The following MDGA2 variants were observed in gnomAD, a reference collection of about 807,000 sequenced individuals.
MDGA2 encodes MAM domain containing glycosylphosphatidylinositol anchor 2.
MDGA2 carries 40 observed loss-of-function variants against 117.8 expected under a neutral mutation model. The ratio of observed to expected loss-of-function variants is 0.34; its 90% CI spans 0.26 to 0.44. MDGA2 has a LOEUF of 0.44. MDGA2 is among the 20% of genes least tolerant of loss of function. MDGA2 has a pLI of 1.00. For synonymous variants in MDGA2, 452 were observed against 439.0 expected, an observed-to-expected ratio of 1.03 and a Z score of -0.37; for missense variants, 1,123 against 1,250.6, an observed-to-expected ratio of 0.90 and a Z score of 1.54.
chr14:46,873,585 T>C lies in MDGA2; in HGVS notation c.2600A>G (p.Tyr867Cys). The change falls in exon 14 of 17, where the codon TAT becomes TGT. Residue 867 changes from tyrosine (Y) to cysteine (C), a missense_variant. Physicochemically the swap from Tyr to Cys is radical, Grantham distance 194. Coordinates refer to ENST00000399232, the MANE Select transcript of MDGA2 (RefSeq NM_001113498.3). ...ADRSGSKEGF[Y>C]MYIETSRPRL... ...GGGTCGTGATGTCTCAATGTACATA[T>C]AAAAACCTTAAAACAGACAAAATAA... 2 of 1,610,876 alleles carry C rather than the reference T, an allele frequency of 1.2e-6. No homozygotes were observed. The highest frequency in any genetic ancestry group is 1.7e-6 in the Non-Finnish European group (2 of 1,178,252).
intron 1 of MDGA2, among the ~76,000 whole-genome samples, chr14:47,310,830 T>C (rs1172103724): frequency 6.6e-6 from 1 of 152,152 alleles, no homozygotes; most frequent in Non-Finnish European, 1.5e-5. Context: ...TACCACTTTT[T>C]ATAGGTTTTG....
intron 1 of MDGA2, among the ~76,000 whole-genome samples, chr14:47,438,843 AG>A (rs1285870687): frequency 2.0e-5 from 3 of 152,132 alleles, no homozygotes; most frequent in African/African-American, 7.2e-5. Context: ...AACAAAAAAA[AG>A]TCTCTCTCTG....
rs1370564366 is a variant in MDGA2 at position 46,874,208 on chromosome 14, T to C, written c.2438-8A>G. 2.2e-6 allele frequency: 3 copies of C among 1,351,846 alleles called. No individual in the cohort carries two copies. The highest frequency in any genetic ancestry group is 2.9e-6 in the Non-Finnish European group (3 of 1,024,036). 83.7% of individuals were successfully genotyped at this position (1,351,846 alleles called of 1,614,324 possible). On this transcript the variant is annotated splice_polypyrimidine_tract_variant and splice_region_variant and intron_variant, in intron 12 of 16. Transcript: ENST00000399232. ...ATCCACAATGAAATTCTCCTGTTGGTAAATTTTAATTAAATTAATATTAAT... is the reference window on the plus strand; with the variant it reads ...ATCCACAATGAAATTCTCCTGTTGGCAAATTTTAATTAAATTAATATTAAT...
intron 1 of MDGA2, among the ~76,000 whole-genome samples, chr14:47,486,513 G>A (rs1894064983): frequency 6.6e-6 from 1 of 152,062 alleles, no homozygotes; most frequent in Non-Finnish European, 1.5e-5. Flanking sequence ...TGTGGGGAAG[G>A]CATGATTGGT....
intron 1 of MDGA2, among the ~76,000 whole-genome samples, chr14:47,475,153 A>G (rs540058797): frequency 2.6e-5 from 4 of 152,324 alleles, no homozygotes; most frequent in African/African-American, 9.6e-5. Flanking sequence ...CAACCCCGTT[A>G]AAAAGTGAGC....
At chr14:46,844,636 C>T (rs1005268575) in intron 16 of MDGA2, among the ~76,000 whole-genome samples, 1 of 152,008 alleles carries the variant, frequency 6.6e-6, no homozygotes, top group Non-Finnish European at 1.5e-5. Context: ...ACAAACTGGA[C>T]GAATGAAAGC....
intron 1 of MDGA2, among the ~76,000 whole-genome samples, chr14:47,609,465 A>ATATATATATATATATAT (rs1555336021): frequency 2.1e-3 from 223 of 107,326 alleles, no homozygotes; most frequent in Non-Finnish European, 2.4e-3. Flanking sequence ...ATATATATAT[A>ATATATATATATATATAT]AGTTTCTTTA....
chr14:47,159,432 T>C (rs1883540550), intron 3 of MDGA2, among the ~76,000 whole-genome samples: 1 of 152,214 alleles, frequency 6.6e-6, no homozygotes, highest in African/African-American at 2.4e-5. Flanking sequence ...TGGTCATGAA[T>C]GTTTTCTAAT....
At chr14:46,904,139 G>GTTCAGCCTCCT (rs1419775290) in intron 10 of MDGA2, among the ~76,000 whole-genome samples, 1 of 152,004 alleles carries the variant, frequency 6.6e-6, no homozygotes, top group African/African-American at 2.4e-5. Flanking sequence ...CGAGGCTGGT[G>GTTCAGCCTCCT]GATCACTTGA....
Position 47,381,502 on chromosome 14 carries a change from C to A in MDGA2, c.281-79952G>T, listed in dbSNP as rs188473143. On this transcript the variant is annotated intron_variant, in intron 1 of 16. Coordinates refer to ENST00000399232, the MANE Select transcript of MDGA2 (RefSeq NM_001113498.3). ...AAAATCTCCTTAGGCTGATAAGCAA[C>A]TTCAGCAAAGTCTCAGGATACAAAA... Among the ~76,000 whole-genome samples, 299 of 152,306 alleles carry A rather than the reference C, an allele frequency of 2.0e-3. 1 individual carries two copies. Among genetic ancestry groups the A allele is most frequent in the African/African-American group, 7.0e-3 (289 of 41,568 alleles).
At chr14:47,360,649 T>A (rs943908345) in intron 1 of MDGA2, among the ~76,000 whole-genome samples, 1 of 152,132 alleles carries the variant, frequency 6.6e-6, no homozygotes, top group Non-Finnish European at 1.5e-5. Context: ...ATATTCATTA[T>A]GGAAAACAGT....
At chr14:47,408,056 CTTTTTT>C (rs56285818) in intron 1 of MDGA2, among the ~76,000 whole-genome samples, 8 of 115,186 alleles carry the variant, frequency 6.9e-5, no homozygotes, top group African/African-American at 2.3e-4. Context: ...GGAGATTATT[CTTTTTT>C]TTTTTTTTTT....
intron 5 of MDGA2, among the ~76,000 whole-genome samples, chr14:47,106,712 C>G (rs373505729): frequency 4.6e-5 from 7 of 151,786 alleles, no homozygotes; most frequent in East Asian, 3.9e-4. Context: ...GCCGAGCTTC[C>G]GGTAACTCTC....
intron 1 of MDGA2, among the ~76,000 whole-genome samples, chr14:47,363,635 C>T (rs1891172989): frequency 6.6e-6 from 1 of 152,018 alleles, no homozygotes; most frequent in Admixed American, 6.6e-5. Flanking sequence ...AATAAAAAGT[C>T]ACACAGCATG....
At chr14:47,150,708 G>T (rs1883127279) in intron 3 of MDGA2, among the ~76,000 whole-genome samples, 1 of 152,076 alleles carries the variant, frequency 6.6e-6, no homozygotes, top group South Asian at 2.1e-4. Flanking sequence ...TGGATCACCT[G>T]AAGTAGGAAA....
intron 8 of MDGA2, among the ~76,000 whole-genome samples, chr14:46,967,285 A>C (rs1342648940): frequency 6.6e-6 from 1 of 152,118 alleles, no homozygotes; most frequent in Non-Finnish European, 1.5e-5. Context: ...ACTGAGAAAT[A>C]TGTACTCATT....
intron 8 of MDGA2, among the ~76,000 whole-genome samples, chr14:47,008,853 G>A (rs1167849641): frequency 6.6e-6 from 1 of 151,830 alleles, no homozygotes; most frequent in African/African-American, 2.4e-5. Flanking sequence ...TTAAAAATAG[G>A]TAAGGTCCTT....
intron 1 of MDGA2, among the ~76,000 whole-genome samples, chr14:47,399,648 C>A (rs979755876): frequency 2.0e-5 from 3 of 149,114 alleles, no homozygotes; most frequent in Non-Finnish European, 4.5e-5. Flanking sequence ...TGAATAAATG[C>A]GTATAAGAAT....
intron 1 of MDGA2, among the ~76,000 whole-genome samples, chr14:47,466,952 G>T (rs1199377246): frequency 6.6e-6 from 1 of 152,100 alleles, no homozygotes; most frequent in Non-Finnish European, 1.5e-5. Flanking sequence ...AACAAGAAGG[G>T]TAATTGAATT....
Sources: allele counts gnomAD v4.1 joint callset (sites outside exome capture counted in the v4.1 genomes callset), GRCh38; gene constraint gnomAD v4.1.1; transcripts MANE v1.5; gene names NCBI Gene and HGNC (gene_info 2026-07-23, HGNC 2026-07-21).